Variants in EXOC6B observed in about 807,000 individuals in gnomAD.
The protein encoded by EXOC6B is exocyst complex component 6B, also known as SEC15 homolog B.
A neutral mutation model predicts 113.5 loss-of-function variants in EXOC6B; 54 were observed. That is an observed-to-expected ratio of 0.48 (90% CI 0.38 to 0.60). EXOC6B has a LOEUF of 0.60. Among genes scored for constraint, EXOC6B ranks in the 20% least tolerant of loss-of-function variants. The pLI is 0.00. For synonymous variants in EXOC6B, 357 were observed against 339.0 expected, an observed-to-expected ratio of 1.05 and a Z score of -0.58; for missense variants, 797 against 977.5, an observed-to-expected ratio of 0.82 and a Z score of 2.46.
At chr2:72,511,064 C>T (rs762389025) in intron 11 of EXOC6B, among the ~76,000 whole-genome samples, 28 of 151,700 alleles carry the variant, frequency 1.8e-4, no homozygotes, top group Non-Finnish European at 3.8e-4. Flanking sequence ...TGGTTACATA[C>T]GTAAAATGAG....
At chr2:72,767,382 G>C (rs1181833442) in intron 1 of EXOC6B, among the ~76,000 whole-genome samples, 2 of 152,020 alleles carry the variant, frequency 1.3e-5, no homozygotes, top group Non-Finnish European at 2.9e-5. Context: ...AGTAAACCAA[G>C]ATCGCGCCAT....
chr2:72,795,984 C>T (rs1684919180), intron 1 of EXOC6B, among the ~76,000 whole-genome samples: 1 of 151,746 alleles, frequency 6.6e-6, no homozygotes, highest in African/African-American at 2.4e-5. Context: ...ACCATGCAAA[C>T]CTAATTTTTG....
At chr2:72,664,436 T>G (rs536477310) in intron 6 of EXOC6B, among the ~76,000 whole-genome samples, 1 of 152,072 alleles carries the variant, frequency 6.6e-6, no homozygotes, top group African/African-American at 2.4e-5. Flanking sequence ...GATGGCCCAC[T>G]CTTGCCACGA....
At chr2:72,599,854 T>C (rs1448309715) in intron 6 of EXOC6B, among the ~76,000 whole-genome samples, 2 of 150,638 alleles carry the variant, frequency 1.3e-5, no homozygotes, top group Admixed American at 6.6e-5. Flanking sequence ...ACAAAACCTA[T>C]ACGAGGAAAA....
intron 6 of EXOC6B, among the ~76,000 whole-genome samples, chr2:72,601,633 T>C (rs1291175216): frequency 2.0e-5 from 3 of 152,134 alleles, no homozygotes; most frequent in Non-Finnish European, 2.9e-5. Flanking sequence ...AACCAATGGA[T>C]CCATCTTACC....
At chr2:72,673,990 C>T (rs963203041) in intron 6 of EXOC6B, among the ~76,000 whole-genome samples, 8 of 152,002 alleles carry the variant, frequency 5.3e-5, no homozygotes, top group East Asian at 1.9e-4. Context: ...GTCTGACAAA[C>T]GGCAGATACT....
chr2:72,733,197 A>C, intron 2 of EXOC6B, 79 bp from the exon 3 acceptor site: 3 of 1,037,172 alleles, frequency 2.9e-6, no homozygotes. Context: ...TTTAATATGA[A>C]AAGATTAGGA....
chr2:72,432,549 A>G (rs918348681), intron 18 of EXOC6B, among the ~76,000 whole-genome samples: 12 of 152,330 alleles, frequency 7.9e-5, no homozygotes, highest in Middle Eastern at 3.4e-3. Flanking sequence ...CCAGGAGTGT[A>G]AAAGCATTCC....
At chr2:72,425,373 A>G (rs1020995765) in intron 18 of EXOC6B, among the ~76,000 whole-genome samples, 1 of 152,210 alleles carries the variant, frequency 6.6e-6, no homozygotes, top group Non-Finnish European at 1.5e-5. Context: ...TGATCTTGAA[A>G]GAAAATATGG....
intron 18 of EXOC6B, among the ~76,000 whole-genome samples, chr2:72,446,638 G>C (rs897242009): frequency 6.6e-6 from 1 of 152,120 alleles, no homozygotes; most frequent in African/African-American, 2.4e-5. Context: ...AGAGTGGGAA[G>C]AAGGAGCAGA....
chr2:72,561,649 C>T (rs769811658), intron 7 of EXOC6B, among the ~76,000 whole-genome samples: 2 of 152,120 alleles, frequency 1.3e-5, no homozygotes, highest in South Asian at 2.1e-4. Flanking sequence ...TAAGCTAACA[C>T]AGCCACATAA....
chr2:72,585,678 A>T (rs2103894299), intron 6 of EXOC6B, among the ~76,000 whole-genome samples: 1 of 152,296 alleles, frequency 6.6e-6, no homozygotes, highest in Non-Finnish European at 1.5e-5. Context: ...ACCACTATGC[A>T]CACAAAGTGG....
intron 20 of EXOC6B, among the ~76,000 whole-genome samples, chr2:72,325,189 C>A (rs1419028323): frequency 1.3e-5 from 2 of 152,024 alleles, no homozygotes; most frequent in Non-Finnish European, 2.9e-5. Context: ...CTGAGAATGT[C>A]GCATCATCTC....
intron 6 of EXOC6B, among the ~76,000 whole-genome samples, chr2:72,658,614 C>T (rs528294792): frequency 1.3e-3 from 196 of 152,140 alleles, no homozygotes; most frequent in African/African-American, 4.6e-3. Context: ...CCCTACACAA[C>T]TGGCCATTTG....
At chr2:72,357,564 C>T (rs1690041837) in intron 19 of EXOC6B, among the ~76,000 whole-genome samples, 1 of 151,914 alleles carries the variant, frequency 6.6e-6, no homozygotes, top group Non-Finnish European at 1.5e-5. Context: ...TGGTGTTGCA[C>T]ACTTGTAATC....
intron 18 of EXOC6B, among the ~76,000 whole-genome samples, chr2:72,460,446 G>A (rs1402783528): frequency 2.0e-4 from 31 of 151,582 alleles, no homozygotes; most frequent in Middle Eastern, 3.4e-3. Flanking sequence ...GAAAATTTTC[G>A]CAACCTACTC....
intron 17 of EXOC6B, among the ~76,000 whole-genome samples, chr2:72,468,820 T>C (rs1205334845): frequency 6.6e-6 from 1 of 152,172 alleles, no homozygotes; most frequent in East Asian, 1.9e-4. Context: ...GTTTTGTAGT[T>C]TTTCAACAGG....
intron 5 of EXOC6B, among the ~76,000 whole-genome samples, chr2:72,725,347 G>C (rs1257407551): frequency 1.3e-5 from 2 of 151,840 alleles, no homozygotes; most frequent in Admixed American, 6.6e-5. Context: ...TAAACAATGA[G>C]ATACTATTTC....
At chr2:72,350,554 G>T (rs1689593713) in intron 19 of EXOC6B, among the ~76,000 whole-genome samples, 1 of 152,050 alleles carries the variant, frequency 6.6e-6, no homozygotes, top group Admixed American at 6.6e-5. Flanking sequence ...AGTTTGATGT[G>T]GTGTTTTCCC....
Sources: allele counts gnomAD v4.1 joint callset (sites outside exome capture counted in the v4.1 genomes callset), GRCh38; gene constraint gnomAD v4.1.1; transcripts MANE v1.5; gene names NCBI Gene and HGNC (gene_info 2026-07-23, HGNC 2026-07-21).